The following ARID1B variants were observed in gnomAD, a reference collection of about 807,000 sequenced individuals.
ARID1B encodes AT-rich interactive domain-containing protein 1B.
Under a neutral mutation model 212.3 loss-of-function variants are expected in ARID1B, and 30 were observed. The ratio of observed to expected loss-of-function variants is 0.14; its 90% CI spans 0.11 to 0.19. The LOEUF is 0.19. ARID1B is among the 10% of genes least tolerant of loss of function. ARID1B has a pLI of 1.00. For synonymous variants in ARID1B, 1,402 were observed against 1,301.7 expected (o/e 1.08, Z -1.66); for missense variants, 2,891 against 3,204.0 (o/e 0.90, Z 2.36).
chr6:157,210,518 C>CT lies in ARID1B; in HGVS notation c.*2630dup. ...GTCTCTAGAGACTAATCCAGGAAGACTTTAGCCTCCTTTCCATATTCTCAC... is the reference window on the plus strand; with the variant it reads ...GTCTCTAGAGACTAATCCAGGAAGACTTTTAGCCTCCTTTCCATATTCTCAC... On this transcript the variant is annotated 3_prime_UTR_variant, in exon 20 of 20. Transcript: ENST00000636930. 1 of 232,520 alleles carries CT rather than the reference C, an allele frequency of 4.3e-6. No individual in the cohort carries two copies. 14.4% of individuals were successfully genotyped at this position (232,520 alleles called of 1,614,324 possible).
chr6:156,893,051 T>TG (rs201418007), intron 2 of ARID1B, among the ~76,000 whole-genome samples: 30,756 of 137,558 alleles, frequency 0.22, 4,306 homozygotes, highest in Non-Finnish European at 0.27. Flanking sequence ...CTTCCTTTTT[T>TG]TTTTTTTTTG....
intron 2 of ARID1B, among the ~76,000 whole-genome samples, chr6:156,861,217 G>T (rs900877779): frequency 6.6e-6 from 1 of 152,180 alleles, no homozygotes; most frequent in African/African-American, 2.4e-5. Flanking sequence ...CTTGACAGGG[G>T]AAACAGTTTA....
chr6:157,127,327 G>T (rs2128567542), intron 6 of ARID1B, among the ~76,000 whole-genome samples: 1 of 152,258 alleles, frequency 6.6e-6, no homozygotes, highest in South Asian at 2.1e-4. Flanking sequence ...TGGTTACCAT[G>T]CTACCTGTCC....
intron 1 of ARID1B, among the ~76,000 whole-genome samples, chr6:156,804,580 A>G (rs1781014894): frequency 6.6e-6 from 1 of 152,050 alleles, no homozygotes; most frequent in Non-Finnish European, 1.5e-5. Flanking sequence ...GGCAGGGGAG[A>G]GAATGAGTGC....
chr6:156,953,296 G>C (rs1793718834), intron 4 of ARID1B, among the ~76,000 whole-genome samples: 2 of 152,184 alleles, frequency 1.3e-5, no homozygotes, highest in African/African-American at 4.8e-5. Context: ...CTGACTACTG[G>C]TGCTTAAAAC....
At chr6:157,189,434 A>T (rs1474684098) in intron 13 of ARID1B, among the ~76,000 whole-genome samples, 1 of 152,252 alleles carries the variant, frequency 6.6e-6, no homozygotes, top group African/African-American at 2.4e-5. Flanking sequence ...TAGTTTACTC[A>T]AAAACTTCTT....
intron 4 of ARID1B, among the ~76,000 whole-genome samples, chr6:156,989,785 G>A (rs1778158085): frequency 6.6e-6 from 1 of 152,144 alleles, no homozygotes; most frequent in Non-Finnish European, 1.5e-5. Flanking sequence ...CTGATGGCGG[G>A]GATAGTTGAG....
chr6:156,797,159 G>A (rs547892821), intron 1 of ARID1B, among the ~76,000 whole-genome samples: 5 of 152,226 alleles, frequency 3.3e-5, no homozygotes, highest in African/African-American at 4.8e-5. Flanking sequence ...CTGCTGTGTG[G>A]CAGAGTGTTC....
intron 4 of ARID1B, among the ~76,000 whole-genome samples, chr6:156,975,340 G>A (rs7765994): frequency 0.073 from 11,110 of 152,166 alleles, 1,340 homozygotes; most frequent in African/African-American, 0.25. Context: ...AATTGGAGGA[G>A]TTTTGTCTTG....
chr6:156,856,058 T>G (rs1327287628), intron 2 of ARID1B, among the ~76,000 whole-genome samples: 1 of 152,198 alleles, frequency 6.6e-6, no homozygotes, highest in East Asian at 1.9e-4. Flanking sequence ...CTCTGGAGAC[T>G]TTCTGGACCC....
At chr6:157,183,487 C>T (rs2128322752) in intron 12 of ARID1B, among the ~76,000 whole-genome samples, 1 of 152,350 alleles carries the variant, frequency 6.6e-6, no homozygotes, top group Admixed American at 6.5e-5. Context: ...ATGTTTCATC[C>T]ATGTGTTTAA....
At chr6:156,838,521 AGC>A (rs1490057885) in intron 2 of ARID1B, among the ~76,000 whole-genome samples, 3 of 152,096 alleles carry the variant, frequency 2.0e-5, no homozygotes, top group Non-Finnish European at 4.4e-5. Context: ...CGTACCTGAA[AGC>A]AAGAGCTCTT....
At position 156,829,435 on chromosome 6, in the gene ARID1B, C is replaced by T. The variant is rs376014742; in HGVS notation, c.1986+14C>T. 1.2e-6 allele frequency: 2 copies of T among 1,605,852 alleles called. No homozygotes were observed. The highest frequency in any genetic ancestry group is 2.7e-5 in the African/African-American group (2 of 74,522). On this transcript the variant is annotated intron_variant, in intron 2 of 19. Coordinates refer to ENST00000636930, the MANE Select transcript of ARID1B (RefSeq NM_001374828.1). The stretch of plus-strand genomic sequence containing the variant: ...CCTCAGCAGCAGGTTTGTGCTGGTC[C>T]CCCGACCCGCTGCTTTTTTGTAATA...
chr6:157,090,214 G>A (rs533460086), intron 5 of ARID1B, among the ~76,000 whole-genome samples: 8 of 152,294 alleles, frequency 5.3e-5, no homozygotes, highest in East Asian at 3.9e-4. Flanking sequence ...TGTAAGCAGC[G>A]GCAGTGTTTA....
chr6:156,853,365 C>T (rs1036213685), intron 2 of ARID1B, among the ~76,000 whole-genome samples: 4 of 152,182 alleles, frequency 2.6e-5, no homozygotes, highest in Non-Finnish European at 5.9e-5. Context: ...CCACCGCGGG[C>T]ATGAAAATGG....
chr6:156,874,572 G>A (rs1786396872), intron 2 of ARID1B, among the ~76,000 whole-genome samples: 1 of 152,190 alleles, frequency 6.6e-6, no homozygotes, highest in African/African-American at 2.4e-5. Flanking sequence ...TGCATCTGCA[G>A]TCCCCTTTTC....
At chr6:157,011,612 C>T (rs772912048) in intron 4 of ARID1B, among the ~76,000 whole-genome samples, 22 of 152,098 alleles carry the variant, frequency 1.4e-4, no homozygotes, top group Non-Finnish European at 2.6e-4. Context: ...CATGAACAAC[C>T]GTTTCACAAT....
chr6:157,005,250 T>C (rs1209100295), intron 4 of ARID1B, among the ~76,000 whole-genome samples: 1 of 151,914 alleles, frequency 6.6e-6, no homozygotes, highest in East Asian at 1.9e-4. Context: ...ACCTCCTGGG[T>C]TCAAGCAGTT....
At chr6:156,896,943 C>G (rs1323723264) in intron 2 of ARID1B, among the ~76,000 whole-genome samples, 1 of 152,142 alleles carries the variant, frequency 6.6e-6, no homozygotes, top group Non-Finnish European at 1.5e-5. Context: ...GATCATTTCA[C>G]TCATTTTGGA....
Sources: allele counts gnomAD v4.1 joint callset (sites outside exome capture counted in the v4.1 genomes callset), GRCh38; gene constraint gnomAD v4.1.1; transcripts MANE v1.5; gene names NCBI Gene and HGNC (gene_info 2026-07-23, HGNC 2026-07-21).